Variants in ATP10B observed in about 807,000 individuals in gnomAD.
ATP10B encodes phospholipid-transporting ATPase VB.
A neutral mutation model predicts 141.2 loss-of-function variants in ATP10B; 122 were observed. That is an observed-to-expected ratio of 0.86 (90% CI 0.75 to 1.00). The LOEUF (loss-of-function observed/expected upper bound fraction) is 1.00. Among genes scored for constraint, ATP10B ranks in the 50% least tolerant of loss-of-function variants. The pLI, the probability that ATP10B is intolerant of heterozygous loss-of-function variation, is 0.00. For missense variants in ATP10B, 1,876 were observed against 1,825.3 expected, an observed-to-expected ratio of 1.03 and a Z score of -0.51; for synonymous variants, 685 against 692.0, an observed-to-expected ratio of 0.99 and a Z score of 0.16.
chr5:160,891,014 T>C, the ATP10B span, among the ~76,000 whole-genome samples: 1 of 152,158 alleles, frequency 6.6e-6, no homozygotes, highest in South Asian at 2.1e-4. Context: ...TGTGTGTGTG[T>C]GTGTGTATGT....
rs1190273360 is a variant in ATP10B at position 160,607,521 on chromosome 5, C to T, written c.2839-435G>A. On this transcript the variant is annotated intron_variant, in intron 18 of 25. Coordinates refer to ENST00000327245, the MANE Select transcript of ATP10B (RefSeq NM_025153.3). ...ATTCCTGATCTTAGAGATGAGGAGA[C>T]TGAAATGAGATCTTTAATAACTCAC... Among the ~76,000 whole-genome samples, 6 of 152,116 alleles carry T rather than the reference C, an allele frequency of 3.9e-5. No homozygotes were observed. In the South Asian group the frequency reaches 1.2e-3, roughly 32 times the overall value.
the ATP10B span, among the ~76,000 whole-genome samples, chr5:160,862,331 A>G: frequency 6.6e-6 from 1 of 152,028 alleles, no homozygotes; most frequent in Non-Finnish European, 1.5e-5. Flanking sequence ...TGAAGAAGAA[A>G]GTTCATCTGT....
chr5:160,837,141 C>T (rs1326209728), intron 1 of ATP10B, among the ~76,000 whole-genome samples: 1 of 152,128 alleles, frequency 6.6e-6, no homozygotes, highest in Non-Finnish European at 1.5e-5. Flanking sequence ...ATTTATCCAA[C>T]ACTACAAATT....
intron 17 of ATP10B, chr5:160,614,053 AGT>A (rs1312960595): frequency 6.6e-6 from 1 of 151,174 alleles, no homozygotes; most frequent in Non-Finnish European, 1.5e-5. Flanking sequence ...CTCGGTGGAA[AGT>A]GGAATTCTCT....
At chr5:160,887,983 G>A in the ATP10B span, among the ~76,000 whole-genome samples, 7 of 152,338 alleles carry the variant, frequency 4.6e-5, no homozygotes, top group Non-Finnish European at 8.8e-5. Flanking sequence ...AAAAATCCCA[G>A]GCATCTAGAG....
chr5:160,910,220 A>C, the ATP10B span, among the ~76,000 whole-genome samples: 2 of 152,114 alleles, frequency 1.3e-5, no homozygotes, highest in East Asian at 3.8e-4. Context: ...CCTTTTCAAG[A>C]TGAGACTGGT....
the ATP10B span, among the ~76,000 whole-genome samples, chr5:160,920,761 T>C: frequency 6.6e-6 from 1 of 152,138 alleles, no homozygotes; most frequent in Non-Finnish European, 1.5e-5. Context: ...TTTGGAGAGC[T>C]TGGCAAAAAT....
intron 2 of ATP10B, among the ~76,000 whole-genome samples, chr5:160,775,930 C>T (rs941914201): frequency 2.0e-5 from 3 of 152,118 alleles, no homozygotes; most frequent in Non-Finnish European, 4.4e-5. Flanking sequence ...ATACACCTGC[C>T]TCTGCCTAAG....
chr5:160,662,779 A>T (rs996503988), intron 7 of ATP10B, among the ~76,000 whole-genome samples: 21 of 152,354 alleles, frequency 1.4e-4, no homozygotes, highest in Non-Finnish European at 2.5e-4. Flanking sequence ...TGGCAACAAA[A>T]GCCAAAATTG....
In ATP10B at chr5:160,637,683, A is replaced by G. The variant is rs553298182; in HGVS notation, c.1001-1374T>C. 2.6e-5 allele frequency among the ~76,000 whole-genome samples: 4 copies of G among 152,358 alleles called. No homozygotes were observed. The East Asian group carries it at 7.7e-4, about 29-fold the overall frequency. On this transcript the variant is annotated intron_variant, in intron 10 of 25. Coordinates refer to ENST00000327245, the MANE Select transcript of ATP10B (RefSeq NM_025153.3). ...GTGTTCTTGTCTGTTAAATAGTAAT[A>G]ATACCTTCTCTATAGAGTTATTGTG...
chr5:160,709,865 G>C (rs1765274797), intron 3 of ATP10B, among the ~76,000 whole-genome samples: 1 of 109,630 alleles, frequency 9.1e-6, no homozygotes, highest in South Asian at 3.7e-4. Flanking sequence ...GCGGTGTTTG[G>C]TTTTTTGTTC....
At chr5:160,734,461 A>T (rs1378214372) in intron 2 of ATP10B, among the ~76,000 whole-genome samples, 1 of 152,124 alleles carries the variant, frequency 6.6e-6, no homozygotes, top group Non-Finnish European at 1.5e-5. Flanking sequence ...AAGAGAATAA[A>T]TAAATTTATA....
chr5:160,925,654 C>T, the ATP10B span, among the ~76,000 whole-genome samples: 1 of 152,196 alleles, frequency 6.6e-6, no homozygotes, highest in Non-Finnish European at 1.5e-5. Context: ...TGCAAATTCT[C>T]CTAAAAAGTT....
intron 2 of ATP10B, among the ~76,000 whole-genome samples, chr5:160,734,064 T>A (rs2127798090): frequency 7.6e-6 from 1 of 131,860 alleles, no homozygotes; most frequent in Non-Finnish European, 1.5e-5. Context: ...GCCGATATCA[T>A]GTCACTGCAC....
chr5:160,791,790 A>G (rs2127909739), intron 1 of ATP10B, among the ~76,000 whole-genome samples: 1 of 152,302 alleles, frequency 6.6e-6, no homozygotes, highest in South Asian at 2.1e-4. Flanking sequence ...AAGGAGGACA[A>G]TACACTCAAC....
chr5:160,661,206 AAACAACAACTAC>A (rs1761886997), intron 7 of ATP10B, among the ~76,000 whole-genome samples: 1 of 152,008 alleles, frequency 6.6e-6, no homozygotes, highest in South Asian at 2.1e-4. Context: ...ACACAAAACA[AAACAACAACTAC>A]AACAACAAGA....
the ATP10B span, among the ~76,000 whole-genome samples, chr5:160,925,875 A>G: frequency 2.0e-5 from 3 of 152,230 alleles, no homozygotes; most frequent in African/African-American, 7.2e-5. Context: ...ACAATGGTGA[A>G]TAAAAGTGCA....
At chr5:160,765,346 A>C (rs896246609) in intron 2 of ATP10B, among the ~76,000 whole-genome samples, 1 of 152,216 alleles carries the variant, frequency 6.6e-6, no homozygotes, top group African/African-American at 2.4e-5. Context: ...ACAGTTACCA[A>C]AACAGCATGG....
chr5:160,776,811 T>A (rs1270381167), intron 2 of ATP10B, among the ~76,000 whole-genome samples: 1 of 152,226 alleles, frequency 6.6e-6, no homozygotes, highest in African/African-American at 2.4e-5. Context: ...ACTCAGAGGC[T>A]GAGATTTCTC....
Sources: allele counts gnomAD v4.1 joint callset (sites outside exome capture counted in the v4.1 genomes callset), GRCh38; gene constraint gnomAD v4.1.1; transcripts MANE v1.5; gene names NCBI Gene and HGNC (gene_info 2026-07-23, HGNC 2026-07-21).